The following IQUB variants were observed in gnomAD, a reference collection of about 807,000 sequenced individuals.
The protein encoded by IQUB is IQ motif and ubiquitin-like domain-containing protein.
In IQUB, 86 loss-of-function variants were observed where a neutral mutation model predicts 86.4. The observed-to-expected ratio is 1.00, with a 90% CI of 0.84 to 1.19. IQUB has a LOEUF of 1.19. Among genes scored for constraint, IQUB ranks in the 50% most tolerant of loss-of-function variants. The pLI is 0.00. For synonymous variants in IQUB, 289 were observed against 304.5 expected (o/e 0.95, Z 0.53); for missense variants, 946 against 916.9 (o/e 1.03, Z -0.41).
chr7:123,491,414 A>G (rs1399734520), intron 7 of IQUB, among the ~76,000 whole-genome samples: 3 of 152,156 alleles, frequency 2.0e-5, no homozygotes, highest in African/African-American at 7.2e-5. Flanking sequence ...AAATCAGGGG[A>G]AGAGTAATAA....
At chr7:123,516,953 A>G (rs1259968981) in intron 1 of IQUB, among the ~76,000 whole-genome samples, 1 of 151,834 alleles carries the variant, frequency 6.6e-6, no homozygotes, top group East Asian at 1.9e-4. Flanking sequence ...AATAGATAAG[A>G]CTCCTGGGCC....
chr7:123,520,440 T>C (rs1796850157), intron 1 of IQUB, among the ~76,000 whole-genome samples: 1 of 152,178 alleles, frequency 6.6e-6, no homozygotes, highest in African/African-American at 2.4e-5. Flanking sequence ...GGAAAGAGTA[T>C]GGCAGAGCAG....
At chr7:123,511,740 C>T (rs528523650) in intron 2 of IQUB, among the ~76,000 whole-genome samples, 4 of 151,816 alleles carry the variant, frequency 2.6e-5, no homozygotes, top group Admixed American at 6.6e-5. Context: ...CATTCATTGA[C>T]GAAAAATAGA....
intron 7 of IQUB, among the ~76,000 whole-genome samples, chr7:123,490,967 A>T (rs1226664130): frequency 1.1e-5 from 1 of 94,222 alleles, no homozygotes; most frequent in Non-Finnish European, 2.4e-5. Flanking sequence ...ACCATCTTGG[A>T]AAAAAAAAAA....
At chr7:123,522,766 A>C (rs896009495) in intron 1 of IQUB, among the ~76,000 whole-genome samples, 3 of 152,100 alleles carry the variant, frequency 2.0e-5, no homozygotes, top group Non-Finnish European at 4.4e-5. Flanking sequence ...GGTTACTTAC[A>C]TATGTATACG....
chr7:123,514,543 GA>G (rs66553483), intron 1 of IQUB, among the ~76,000 whole-genome samples: 2,535 of 152,168 alleles, frequency 0.017, 60 homozygotes, highest in African/African-American at 0.058. Context: ...ATATAATTGA[GA>G]AGGGAAAAAA....
intron 12 of IQUB, among the ~76,000 whole-genome samples, chr7:123,455,505 ACTAC>A (rs1257094908): frequency 1.3e-5 from 2 of 152,178 alleles, no homozygotes; most frequent in African/African-American, 2.4e-5. Flanking sequence ...TTTCATAGTT[ACTAC>A]CTAAGTTTAT....
In IQUB at chr7:123,452,568, A is replaced by G. The variant is rs1793471417; in HGVS notation, c.*175T>C. 2 of 400,500 alleles carry G rather than the reference A, an allele frequency of 5.0e-6. No homozygotes were observed. The highest frequency in any genetic ancestry group is 4.1e-5 in the African/African-American group (2 of 48,574). 24.8% of individuals were successfully genotyped at this position (400,500 alleles called of 1,614,324 possible). A position where few individuals can be genotyped will look rare whatever the true frequency, so the allele number is the denominator to read the frequency against. On this transcript the variant is annotated 3_prime_UTR_variant, in exon 13 of 13. Transcript: ENST00000324698. ...TTCAATTTAGCACCAACTTCCTAACAAAGAATACTTACTTATATAGAAATG... is the reference window on the plus strand; with the variant it reads ...TTCAATTTAGCACCAACTTCCTAACGAAGAATACTTACTTATATAGAAATG...
intron 7 of IQUB, among the ~76,000 whole-genome samples, chr7:123,488,177 CA>C (rs1455123305): frequency 6.6e-6 from 1 of 151,320 alleles, no homozygotes; most frequent in Non-Finnish European, 1.5e-5. Flanking sequence ...ACTAAAAATA[CA>C]AAAAATAAAA....
At chr7:123,516,223 C>T (rs1796630168) in intron 1 of IQUB, among the ~76,000 whole-genome samples, 2 of 151,878 alleles carry the variant, frequency 1.3e-5, no homozygotes, top group Non-Finnish European at 2.9e-5. Context: ...AGAACTGATC[C>T]CAGATGTAAG....
intron 9 of IQUB, among the ~76,000 whole-genome samples, chr7:123,466,223 A>G (rs1038108018): frequency 1.7e-4 from 26 of 149,146 alleles, no homozygotes; most frequent in African/African-American, 6.3e-4. Flanking sequence ...AGTTGTACTT[A>G]AAGACTTTAA....
intron 3 of IQUB, among the ~76,000 whole-genome samples, chr7:123,509,131 A>G (rs1201183915): frequency 6.6e-6 from 1 of 152,158 alleles, no homozygotes; most frequent in Non-Finnish European, 1.5e-5. Flanking sequence ...CATCATTATA[A>G]GTCAATATCA....
chr7:123,528,424 GC>G (rs949326240), intron 1 of IQUB, among the ~76,000 whole-genome samples: 20 of 152,188 alleles, frequency 1.3e-4, no homozygotes, highest in African/African-American at 4.6e-4. Flanking sequence ...ATATCATTAT[GC>G]CCATTTTACA....
intron 9 of IQUB, 103 bp from the exon 10 acceptor site, chr7:123,465,112 G>T (rs1794186749): frequency 4.1e-6 from 3 of 738,186 alleles, no homozygotes; most frequent in Non-Finnish European, 6.8e-6. Context: ...CTAAAGAAAT[G>T]AAACATTGTC....
chr7:123,469,722 G>A (rs1455903355), intron 8 of IQUB, among the ~76,000 whole-genome samples: 1 of 152,100 alleles, frequency 6.6e-6, no homozygotes, highest in East Asian at 1.9e-4. Context: ...CAATTATATT[G>A]AGTGTATATA....
chr7:123,483,267 T>A (rs1474653920), intron 7 of IQUB, among the ~76,000 whole-genome samples: 2 of 152,082 alleles, frequency 1.3e-5, no homozygotes, highest in Non-Finnish European at 2.9e-5. Context: ...AACCATGTCA[T>A]CCTTTCATTA....
chr7:123,492,989 T>TAGTC (rs1795538508), intron 7 of IQUB, among the ~76,000 whole-genome samples: 1 of 152,208 alleles, frequency 6.6e-6, no homozygotes, highest in African/African-American at 2.4e-5. Flanking sequence ...CTCTACTGTA[T>TAGTC]AGTCCCCTTT....
At chr7:123,528,431 T>G (rs1664506683) in intron 1 of IQUB, among the ~76,000 whole-genome samples, 1 of 152,208 alleles carries the variant, frequency 6.6e-6, no homozygotes, top group African/African-American at 2.4e-5. Flanking sequence ...TATGCCCATT[T>G]TACAGATAAA....
chr7:123,463,565 C>G (rs1345494545), intron 10 of IQUB, among the ~76,000 whole-genome samples: 1 of 151,694 alleles, frequency 6.6e-6, no homozygotes. Context: ...ATTTATATGA[C>G]CTTCTGAAAT....
Sources: allele counts gnomAD v4.1 joint callset (sites outside exome capture counted in the v4.1 genomes callset), GRCh38; gene constraint gnomAD v4.1.1; transcripts MANE v1.5; gene names NCBI Gene and HGNC (gene_info 2026-07-23, HGNC 2026-07-21).